DRP2: variants seen among roughly 807,000 people sequenced by gnomAD.
The protein encoded by DRP2 is dystrophin related protein 2.
Under a neutral mutation model 78.2 loss-of-function variants are expected in DRP2, and 29 were observed. The ratio of observed to expected loss-of-function variants is 0.37; its 90% confidence interval spans 0.28 to 0.51. The LOEUF is 0.51. Among genes scored for constraint, DRP2 ranks in the 20% least tolerant of loss-of-function variants. The probability of loss-of-function intolerance (pLI) is 0.94; values close to 1 mark genes in which losing one functional copy is unlikely to be tolerated. For synonymous variants in DRP2, 290 were observed against 281.9 expected (o/e 1.03, Z -0.29); for missense variants, 686 against 770.6 (o/e 0.89, Z 1.30).
intron 3 of DRP2, among the ~76,000 whole-genome samples, chrX:101,235,025 C>G (rs1922445564): frequency 9.0e-6 from 1 of 111,001 alleles, no homozygotes; most frequent in African/African-American, 3.3e-5. Context: ...TGCTCCTGCC[C>G]CCTGGCTGGG....
chrX:101,233,243 G>A (rs1922370235), intron 3 of DRP2, among the ~76,000 whole-genome samples: 1 of 112,056 alleles, frequency 8.9e-6, no homozygotes, highest in African/African-American at 3.2e-5. Context: ...GTAGAGCCCA[G>A]CTCATCGTGG....
chrX:101,256,192 C>G lies in DRP2; in HGVS notation c.2321C>G (p.Pro774Arg). ...DREPAFGQQA[P>R]CSVATESKGE... ...GAGCCAGCCTTTGGACAGCAGGCTC[C>G]ATGCAGTGTGGCCACAGAAAGCAAA... Residue 774 changes from proline (P) to arginine (R), a missense_variant, in exon 21 of 24, where the codon CCA becomes CGA. By Grantham distance (103) the Pro-to-Arg change is moderately radical (BLOSUM62 -2). Coordinates refer to ENST00000395209, the MANE Select transcript of DRP2 (RefSeq NM_001939.3). 1 of 1,208,146 alleles carries G rather than the reference C, an allele frequency of 8.3e-7. No individual in the cohort carries two copies. The highest frequency in any genetic ancestry group is 1.1e-6 in the Non-Finnish European group (1 of 894,020).
chrX:101,237,378 A>G (rs1238851615), intron 4 of DRP2, among the ~76,000 whole-genome samples: 2 of 111,569 alleles, frequency 1.8e-5, no homozygotes. Flanking sequence ...GAAGTTTGGG[A>G]TGCCTCCACA....
chrX:101,255,049 G>T, intron 19 of DRP2, 125 bp downstream of exon 19: 1 of 1,054,200 alleles, frequency 9.5e-7, no homozygotes, highest in Non-Finnish European at 1.3e-6. Flanking sequence ...GTGTGCAGCA[G>T]CCAGCAAGAC....
At chrX:101,240,741 T>C (rs1213371563) in intron 6 of DRP2, among the ~76,000 whole-genome samples, 1 of 112,360 alleles carries the variant, frequency 8.9e-6, no homozygotes, top group Non-Finnish European at 1.9e-5. Context: ...AATTGAGCCC[T>C]TTGTCAATGC....
chrX:101,252,586 A>G lies in DRP2; in HGVS notation c.1866-19A>G, dbSNP rs746839349. The G allele has an allele frequency of 4.2e-6, 5 of 1,192,062 alleles. No individual in the cohort carries two copies. Among genetic ancestry groups the G allele is most frequent in the African/African-American group, 3.5e-5 (2 of 56,930 alleles). ...GGCACGTTGGACTCTCTTTCCTACT[A>G]CATCTCCTCTCCCCCAAGGTACCGG... On this transcript the variant is annotated intron_variant, in intron 16 of 23. Coordinates refer to ENST00000395209, the MANE Select transcript of DRP2 (RefSeq NM_001939.3).
rs1416909790 is a variant in DRP2, at chrX:101,250,969, T to A, written c.1751T>A (p.Leu584Gln). Residue 584 changes from leucine to glutamine, a missense_variant, in exon 16 of 24, where the codon CTG becomes CAG. By Grantham distance (113) the Leu-to-Gln change is moderately radical. Coordinates refer to ENST00000395209, the MANE Select transcript of DRP2 (RefSeq NM_001939.3). ...EASQFLEWVNLEPQSMVWLAV... is the reference protein window; with the variant it reads ...EASQFLEWVNQEPQSMVWLAV... ...TCCCAGTTCCTGGAGTGGGTCAACC[T>A]GGAGCCCCAGTCCATGGTGTGGCTG... 8.3e-7 allele frequency: 1 copy of A among 1,210,034 alleles called. No homozygotes were observed. Among genetic ancestry groups the A allele is most frequent in the African/African-American group, 1.7e-5 (1 of 57,145 alleles).
At chrX:101,237,405 C>G (rs762341144) in intron 4 of DRP2, among the ~76,000 whole-genome samples, 1 of 111,956 alleles carries the variant, frequency 8.9e-6, no homozygotes, top group Admixed American at 9.4e-5. Flanking sequence ...GTTCTACCTA[C>G]TGGTTTTAGT....
At position 101,252,565 on chromosome X, in the gene DRP2, C is replaced by T. The variant is rs55893875; in HGVS notation, c.1866-40C>T. 155 of 1,114,108 alleles carry T rather than the reference C, an allele frequency of 1.4e-4. 1 individual carries two copies. The African/African-American group carries it at 2.5e-3, about 18-fold the overall frequency. 91.8% of individuals were successfully genotyped at this position (1,114,108 alleles called of 1,213,427 possible). A position where few individuals can be genotyped will look rare whatever the true frequency, so the allele number is the denominator to read the frequency against. On this transcript the variant is annotated intron_variant, in intron 16 of 23. Coordinates refer to ENST00000395209, the MANE Select transcript of DRP2 (RefSeq NM_001939.3). ...GAACAGCGGGGAGGTCACTGTGGCA[C>T]GTTGGACTCTCTTTCCTACTACATC...
chrX:101,245,289 C>G, intron 10 of DRP2, 99 bp from the exon 11 acceptor site: 1 of 925,467 alleles, frequency 1.1e-6, no homozygotes, highest in East Asian at 3.3e-5. Context: ...AACCCTGCAG[C>G]TTCTTGCATC....
chrX:101,264,054 G>A lies in DRP2; in HGVS notation c.*3433G>A, dbSNP rs1400404710. ...GAACAGTTCTGGGAAAAAAACTGGG[G>A]GCCTTGTCCTGAGGCTGTGGAGACT... On this transcript the variant is annotated 3_prime_UTR_variant, in exon 24 of 24. Transcript: ENST00000395209. 8.9e-6 allele frequency: 1 copy of A among 112,059 alleles called. No homozygotes were observed. The highest frequency in any genetic ancestry group is 1.9e-5 in the Non-Finnish European group (1 of 53,225). 9.2% of individuals were successfully genotyped at this position (112,059 alleles called of 1,213,427 possible).
At chrX:101,253,785 C>G (rs957448311) in intron 17 of DRP2, among the ~76,000 whole-genome samples, 1 of 110,013 alleles carries the variant, frequency 9.1e-6, no homozygotes, top group Middle Eastern at 4.6e-3. Flanking sequence ...GAACAGGGAC[C>G]ATGCCCTTTA....
rs1923436132 is a variant in DRP2, at chrX:101,258,537, T to G, written c.2619T>G (p.Leu873=). The change falls in exon 22 of 24, where the codon CTT becomes CTG. Residue 873 remains leucine, a synonymous_variant. Coordinates refer to ENST00000395209, the MANE Select transcript of DRP2 (RefSeq NM_001939.3). ...LESQLQRLRE[L]LLQPPTESDG... is the part of the protein sequence containing the mutation. ...CCCAGCTGCAGCGTCTGAGGGAGCT[T>G]CTCCTGCAGGTGAGGATGGAGACAG... 2 of 1,175,594 alleles carry G rather than the reference T, an allele frequency of 1.7e-6. No homozygotes were observed. The highest frequency in any genetic ancestry group is 2.3e-6 in the Non-Finnish European group (2 of 877,050).
chrX:101,258,673 T>C (rs1923439844), intron 22 of DRP2, 127 bp downstream of exon 22: 2 of 558,551 alleles, frequency 3.6e-6, no homozygotes, highest in African/African-American at 2.4e-5. Context: ...GGTAACTTCC[T>C]GAAGAGAACT....
rs758782031 is a variant in DRP2 at position 101,250,468 on chromosome X, G to A, written c.1586G>A (p.Arg529His). Residue 529 changes from arginine (R) to histidine (H), a missense_variant, in exon 15 of 24, where the codon CGC (arginine) becomes CAC (histidine). Arg to His is a conservative substitution (Grantham distance 29). Coordinates refer to ENST00000395209, the MANE Select transcript of DRP2 (RefSeq NM_001939.3). ...VANSGSQCDQRHLGVLLHEAI... is the reference protein window; with the variant it reads ...VANSGSQCDQHHLGVLLHEAI... ...AACTCAGGCAGCCAGTGTGACCAGC[G>A]CCACCTTGGTGTCCTGCTTCATGAG... The A allele has an allele frequency of 2.1e-5, 25 of 1,209,724 alleles. No individual in the cohort carries two copies. Among genetic ancestry groups the A allele is most frequent in the East Asian group, 3.0e-5 (1 of 33,755 alleles).
chrX:101,258,293 T>A lies in DRP2; in HGVS notation c.2391-16T>A. 8.6e-7 allele frequency: 1 copy of A among 1,158,478 alleles called. No homozygotes were observed. Among genetic ancestry groups the A allele is most frequent in the Non-Finnish European group, 1.2e-6 (1 of 863,872 alleles). ...CCTGTTAGAGCCATAGGTCTTGGTG[T>A]CTCTCTCCATGGCAGGATTCTCCAG... On this transcript the variant is annotated splice_polypyrimidine_tract_variant and intron_variant, in intron 21 of 23. Coordinates refer to ENST00000395209, the MANE Select transcript of DRP2 (RefSeq NM_001939.3).
chrX:101,247,983 G>A, intron 12 of DRP2, 106 bp from the exon 13 acceptor site: 1 of 703,541 alleles, frequency 1.4e-6, no homozygotes, highest in South Asian at 2.4e-5. Context: ...GGTTGATCTG[G>A]AGATTGAGTC....
chrX:101,250,389 C>T (rs770196443), intron 14 of DRP2, 34 bp from the exon 15 acceptor site: 217 of 1,208,406 alleles, frequency 1.8e-4, no homozygotes, highest in South Asian at 8.1e-4. Context: ...ATTCCTGTGT[C>T]GGGGTTGGCC....
chrX:101,251,224 C>T, intron 16 of DRP2, 141 bp downstream of exon 16: 1 of 535,146 alleles, frequency 1.9e-6, no homozygotes, highest in Non-Finnish European at 2.8e-6. Flanking sequence ...CTGTTATAAT[C>T]CTTTATATTG....
Sources: allele counts gnomAD v4.1 joint callset (sites outside exome capture counted in the v4.1 genomes callset), GRCh38; gene constraint gnomAD v4.1.1; transcripts MANE v1.5; gene names NCBI Gene and HGNC (gene_info 2026-07-23, HGNC 2026-07-21).